Variants in VSIG1 observed in about 807,000 individuals in gnomAD.
VSIG1 encodes the protein V-set and immunoglobulin domain containing 1.
Under a neutral mutation model 20.1 loss-of-function variants are expected in VSIG1, and 11 were observed. The observed-to-expected ratio is 0.55, with a 90% CI of 0.34 to 0.91. VSIG1 has a LOEUF of 0.91. VSIG1 is among the 40% of genes least tolerant of loss of function. VSIG1 has a pLI of 0.02. For missense variants in VSIG1, 283 were observed against 298.8 expected (o/e 0.95, Z 0.39); for synonymous variants, 126 against 116.7 (o/e 1.08, Z -0.52).
At chrX:108,051,937 T>G (rs2030793630) in intron 1 of VSIG1, among the ~76,000 whole-genome samples, 1 of 111,493 alleles carries the variant, frequency 9.0e-6, no homozygotes, top group South Asian at 3.8e-4. Flanking sequence ...CTAAAAGAGT[T>G]GAACTCAGAA....
chrX:108,042,358 C>G (rs1015473015), upstream of VSIG1, among the ~76,000 whole-genome samples: 1 of 112,006 alleles, frequency 8.9e-6, no homozygotes, highest in African/African-American at 3.2e-5. Flanking sequence ...AATTAATTAG[C>G]AAGCTCTTAC....
the VSIG1 span, among the ~76,000 whole-genome samples, chrX:108,023,520 T>C: frequency 1.8e-5 from 2 of 112,153 alleles, no homozygotes; most frequent in Non-Finnish European, 3.8e-5. Context: ...GAATGATTGG[T>C]TTAAATTATT....
At chrX:108,039,250 TG>T in the VSIG1 span, among the ~76,000 whole-genome samples, 1 of 112,322 alleles carries the variant, frequency 8.9e-6, no homozygotes, top group Non-Finnish European at 1.9e-5. Flanking sequence ...TGGCCTGATC[TG>T]GGCTCACTGC....
intron 2 of VSIG1, among the ~76,000 whole-genome samples, chrX:108,062,997 C>G (rs1167384248): frequency 8.9e-6 from 1 of 112,330 alleles, no homozygotes; most frequent in Non-Finnish European, 1.9e-5. Context: ...AGCAGTGTCA[C>G]TAAGCTGAGG....
intron 2 of VSIG1, among the ~76,000 whole-genome samples, chrX:108,063,938 A>G (rs2031079098): frequency 2.7e-5 from 3 of 111,660 alleles, no homozygotes; most frequent in Admixed American, 1.9e-4. Flanking sequence ...CTTTTTCTGG[A>G]TCTCCATTGC....
chrX:108,077,316 G>A lies in VSIG1; in HGVS notation c.1099G>A (p.Glu367Lys), dbSNP rs1458428857. The A allele has an allele frequency of 8.2e-7, 1 of 1,212,301 alleles. No individual in the cohort carries two copies. Among genetic ancestry groups the A allele is most frequent in the East Asian group, 3.0e-5 (1 of 33,862 alleles). Residue 367 changes from glutamate to lysine, a missense_variant, in exon 7 of 7, where the codon GAG becomes AAG. Coordinates refer to ENST00000217957, the MANE Select transcript of VSIG1 (RefSeq NM_182607.5). ...GGAGCCAGAGCCAGAGCCAGAGCCA[G>A]AGTCAGAGCCTGGGGTTGTAGTTGA... ...ELEPEPEPEP[E>K]SEPGVVVEPL...
At chrX:108,039,307 C>T in the VSIG1 span, among the ~76,000 whole-genome samples, 4 of 111,843 alleles carry the variant, frequency 3.6e-5, no homozygotes, top group Non-Finnish European at 5.6e-5. Flanking sequence ...CTCAGCCTCC[C>T]GAGTAGCTGT....
At chrX:108,034,111 G>C in the VSIG1 span, among the ~76,000 whole-genome samples, 1 of 110,722 alleles carries the variant, frequency 9.0e-6, no homozygotes, top group African/African-American at 3.3e-5. Context: ...CCTATCAGAA[G>C]GGCTGAACTG....
At chrX:108,068,575 G>A (rs2031179550) in intron 3 of VSIG1, among the ~76,000 whole-genome samples, 1 of 111,482 alleles carries the variant, frequency 9.0e-6, no homozygotes, top group Admixed American at 9.5e-5. Context: ...AGGAAGGGGA[G>A]GGGAAGATGC....
intron 5 of VSIG1, 118 bp from the exon 6 acceptor site, chrX:108,075,959 C>A: frequency 1.1e-6 from 1 of 915,582 alleles, no homozygotes; most frequent in Non-Finnish European, 1.5e-6. Flanking sequence ...ATTTCCCTAG[C>A]CTATACAAGT....
chrX:108,060,797 G>C (rs1476927583), intron 2 of VSIG1, among the ~76,000 whole-genome samples: 1 of 112,423 alleles, frequency 8.9e-6, no homozygotes, highest in African/African-American at 3.2e-5. Flanking sequence ...TGCTTGTGAA[G>C]CACTACGAAG....
the VSIG1 span, among the ~76,000 whole-genome samples, chrX:108,030,853 T>G: frequency 1.8e-5 from 2 of 111,810 alleles, no homozygotes; most frequent in East Asian, 5.6e-4. Context: ...AGCTGGTGAG[T>G]TGTCTAATGC....
rs142268564 is a variant in VSIG1, at chrX:108,046,806, G to C, written c.49+1627G>C. ...AAAAAATTGTTTAGCATCATGTCAG[G>C]ATTTTATTTTATTGTGACTTTTAGA... On this transcript the variant is annotated intron_variant, in intron 1 of 6. Coordinates refer to ENST00000217957, the MANE Select transcript of VSIG1 (RefSeq NM_182607.5). 9.1e-3 allele frequency among the ~76,000 whole-genome samples: 1,010 copies of C among 110,715 alleles called. 7 individuals carry two copies. The highest frequency in any genetic ancestry group is 0.022 in the Admixed American group (227 of 10,351).
intron 1 of VSIG1, among the ~76,000 whole-genome samples, chrX:108,047,789 T>TATATATATATATATATATA: frequency 1.4e-5 from 1 of 72,674 alleles, no homozygotes; most frequent in Non-Finnish European, 2.4e-5. Flanking sequence ...TCTCTCTCTC[T>TATATATATATATATATATA]CTATATATAT....
intron 1 of VSIG1, among the ~76,000 whole-genome samples, chrX:108,055,966 C>T (rs1380434458): frequency 9.0e-6 from 1 of 110,905 alleles, no homozygotes; most frequent in Non-Finnish European, 1.9e-5. Flanking sequence ...TCTTAGATGG[C>T]TGCTGGCAAT....
the VSIG1 span, among the ~76,000 whole-genome samples, chrX:108,020,941 A>T: frequency 8.9e-6 from 1 of 111,987 alleles, no homozygotes; most frequent in Admixed American, 9.5e-5. Flanking sequence ...TGATTTACAC[A>T]GCAGAGTTTC....
intron 1 of VSIG1, among the ~76,000 whole-genome samples, chrX:108,055,445 C>T (rs1163979650): frequency 8.9e-6 from 1 of 111,898 alleles, no homozygotes; most frequent in African/African-American, 3.2e-5. Context: ...GGAAACACTT[C>T]CAACTCATTT....
chrX:108,077,330 G>A lies in VSIG1; in HGVS notation c.1113G>A (p.Gly371=), dbSNP rs770738059. The stretch of plus-strand genomic sequence containing the variant: ...AGCCAGAGCCAGAGTCAGAGCCTGG[G>A]GTTGTAGTTGAGCCCTTAAGTGAAG... ...EPEPEPESEP[G]VVVEPLSEDE... The change falls in exon 7 of 7, where the codon GGG becomes GGA. Residue 371 remains glycine, a synonymous_variant. Coordinates refer to ENST00000217957, the MANE Select transcript of VSIG1 (RefSeq NM_182607.5). The A allele has an allele frequency of 8.3e-6, 10 of 1,210,518 alleles. No individual in the cohort carries two copies. The highest frequency in any genetic ancestry group is 1.0e-5 in the Non-Finnish European group (9 of 895,442).
Position 108,074,488 on chromosome X carries a change from C to T in VSIG1, c.688+1119C>T, listed in dbSNP as rs754631525. 8.1e-5 allele frequency among the ~76,000 whole-genome samples: 9 copies of T among 111,538 alleles called. No homozygotes were observed. The South Asian group carries it at 3.4e-3, about 42-fold the overall frequency. ...CACATCCCTTCTTTCTTCCTTCCTT[C>T]CTCAAATATTTATTGAATATCTACT... On this transcript the variant is annotated intron_variant, in intron 5 of 6. Coordinates refer to ENST00000217957, the MANE Select transcript of VSIG1 (RefSeq NM_182607.5).
Sources: gnomAD v4.1 joint callset for allele counts (sites outside exome capture counted in the v4.1 genomes callset) on GRCh38, gnomAD v4.1.1 for gene constraint, MANE v1.5 for transcripts, NCBI Gene and HGNC (gene_info 2026-07-23, HGNC 2026-07-21) for gene names.